Variants in BTBD7 observed in about 807,000 individuals in gnomAD.
BTBD7 encodes the protein BTB/POZ domain-containing protein 7.
Under a neutral mutation model 99.9 loss-of-function variants are expected in BTBD7, and 38 were observed. That is an observed-to-expected ratio of 0.38 (90% CI 0.29 to 0.50). The LOEUF (loss-of-function observed/expected upper bound fraction) is 0.50. BTBD7 is among the 20% of genes least tolerant of loss of function. The probability of loss-of-function intolerance (pLI) is 0.93; values close to 1 mark genes in which losing one functional copy is unlikely to be tolerated. For synonymous variants in BTBD7, 520 were observed against 511.4 expected (o/e 1.02, Z -0.23); for missense variants, 1,170 against 1,394.6 (o/e 0.84, Z 2.57).
At chr14:93,257,930 G>C (rs1017138468) in intron 5 of BTBD7, among the ~76,000 whole-genome samples, 1 of 148,250 alleles carries the variant, frequency 6.7e-6, no homozygotes, top group East Asian at 1.9e-4. Context: ...TAGACCCTTT[G>C]ATCTTTGACA....
intron 1 of BTBD7, among the ~76,000 whole-genome samples, chr14:93,308,235 T>C (rs1330775670): frequency 1.4e-5 from 2 of 143,320 alleles, no homozygotes; most frequent in Non-Finnish European, 3.0e-5. Flanking sequence ...TGCAGTGAGC[T>C]GAGATCGCAC....
chr14:93,321,735 A>T (rs539969068), intron 1 of BTBD7, among the ~76,000 whole-genome samples: 1 of 152,170 alleles, frequency 6.6e-6, no homozygotes, highest in Admixed American at 6.5e-5. Flanking sequence ...TGACTCTGCC[A>T]TTTCTAAACT....
chr14:93,257,042 TACA>T (rs1157947869), intron 6 of BTBD7, 150 bp downstream of exon 6: 1 of 725,856 alleles, frequency 1.4e-6, no homozygotes, highest in Non-Finnish European at 2.2e-6. Flanking sequence ...ACACAGGAGA[TACA>T]ACATCGTACA....
Position 93,294,617 on chromosome 14 carries a change from G to A in BTBD7, c.403C>T (p.Leu135Phe). 1 of 1,614,024 alleles carries A rather than the reference G, an allele frequency of 6.2e-7. No homozygotes were observed. Among genetic ancestry groups the A allele is most frequent in the South Asian group, 1.1e-5 (1 of 91,072 alleles). Reference sequence around the variant, plus strand: ...TCAGTACAATACTTGTACTCATAAAGATCAGCCATATCTTTCTGCAATGTC... The same window carrying A: ...TCAGTACAATACTTGTACTCATAAAAATCAGCCATATCTTTCTGCAATGTC... ...ARTLQKDMAD[L>F]YEYKYCTDVD... Residue 135 changes from leucine (L) to phenylalanine (F), a missense_variant, in exon 3 of 11, where the codon CTT (leucine) becomes TTT (phenylalanine). Transcript: ENST00000334746.
chr14:93,281,166 C>CT (rs566864647), intron 3 of BTBD7, among the ~76,000 whole-genome samples: 2,518 of 138,060 alleles, frequency 0.018, 61 homozygotes, highest in African/African-American at 0.052. Context: ...ATGCCTGGCT[C>CT]TTTTTTTTTT....
chr14:93,330,107 A>G (rs2053384629), intron 1 of BTBD7, among the ~76,000 whole-genome samples: 1 of 152,058 alleles, frequency 6.6e-6, no homozygotes, highest in South Asian at 2.1e-4. Flanking sequence ...CTCTAACTTA[A>G]CCTGTAGATC....
chr14:93,285,184 G>C (rs2052763301), intron 3 of BTBD7, among the ~76,000 whole-genome samples: 1 of 152,096 alleles, frequency 6.6e-6, no homozygotes, highest in Non-Finnish European at 1.5e-5. Context: ...TCAATATGTA[G>C]ACAGTGGAGG....
chr14:93,309,506 C>G (rs962734881), intron 1 of BTBD7, among the ~76,000 whole-genome samples: 1 of 151,200 alleles, frequency 6.6e-6, no homozygotes, highest in African/African-American at 2.4e-5. Flanking sequence ...AACCTCCACA[C>G]CCCTGCTAAA....
chr14:93,300,098 T>C lies in BTBD7; in HGVS notation c.-106-3941A>G, dbSNP rs537438126. On this transcript the variant is annotated intron_variant, in intron 1 of 10. Transcript: ENST00000334746. ...GATTCGGTTATCTCTGTGTCACTAA[T>C]TTACTATGTATGTAGGACACGTCAC... Among the ~76,000 whole-genome samples the C allele has an allele frequency of 1.7e-3, 262 of 152,296 alleles. 1 individual carries two copies. The highest frequency in any genetic ancestry group is 6.8e-3 in the Middle Eastern group (2 of 294).
At chr14:93,268,382 C>T (rs966210728) in intron 3 of BTBD7, among the ~76,000 whole-genome samples, 1 of 152,190 alleles carries the variant, frequency 6.6e-6, no homozygotes, top group African/African-American at 2.4e-5. Flanking sequence ...GACTCTTCCA[C>T]CAGACTAAGT....
At chr14:93,252,179 G>A (rs112573103) in intron 7 of BTBD7, among the ~76,000 whole-genome samples, 7,876 of 151,856 alleles carry the variant, frequency 0.052, 355 homozygotes, top group African/African-American at 0.12. Context: ...ATGTGGTGGC[G>A]GGTGCCTATC....
Position 93,251,532 on chromosome 14 carries a change from T to A in BTBD7, c.1873A>T (p.Met625Leu), listed in dbSNP as rs761842667. 6.2e-7 allele frequency: 1 copy of A among 1,613,976 alleles called. No individual in the cohort carries two copies. The highest frequency in any genetic ancestry group is 2.2e-5 in the East Asian group (1 of 44,878). ...CTGCTGATCTGCTGGTGGCTGATCA[T>A]GTGACAACACTGTGGCACGGCATTA... is the stretch of plus-strand genomic sequence containing the variant. ...VNNAVPQCCHMISHQQISSNQ... is the reference protein window; with the variant it reads ...VNNAVPQCCHLISHQQISSNQ... The change falls in exon 8 of 11, where the codon ATG becomes TTG. Residue 625 changes from methionine to leucine, a missense_variant. By Grantham distance (15) the Met-to-Leu change is conservative (BLOSUM62 2). Coordinates refer to ENST00000334746, the MANE Select transcript of BTBD7 (RefSeq NM_001002860.4).
At chr14:93,324,571 A>G (rs1463716700) in intron 1 of BTBD7, among the ~76,000 whole-genome samples, 5 of 152,182 alleles carry the variant, frequency 3.3e-5, no homozygotes, top group African/African-American at 9.7e-5. Flanking sequence ...AAGGATCCAG[A>G]TACCCTCTAC....
At chr14:93,285,719 A>G (rs930313040) in intron 3 of BTBD7, among the ~76,000 whole-genome samples, 3 of 152,236 alleles carry the variant, frequency 2.0e-5, no homozygotes, top group Non-Finnish European at 4.4e-5. Context: ...GGTCATTATG[A>G]AAAGTCAAAG....
At chr14:93,283,530 A>G (rs138548480) in intron 3 of BTBD7, among the ~76,000 whole-genome samples, 2 of 152,106 alleles carry the variant, frequency 1.3e-5, no homozygotes, top group Non-Finnish European at 2.9e-5. Context: ...ACAAGCTATA[A>G]CATTTATTTA....
chr14:93,271,574 C>T (rs532760131), intron 3 of BTBD7, among the ~76,000 whole-genome samples: 20 of 152,288 alleles, frequency 1.3e-4, no homozygotes, highest in East Asian at 9.6e-4. Context: ...CTAACCAGTA[C>T]ATGACTGATT....
rs2053463787 is a variant in BTBD7 at position 93,332,756 on chromosome 14, C to A, written c.-107+64G>T. ...AAGAACAGCCCCTTCCTCTCCCGGACGCCCCGCGCCACACCGGACACAGCC... is the reference window on the plus strand; with the variant it reads ...AAGAACAGCCCCTTCCTCTCCCGGAAGCCCCGCGCCACACCGGACACAGCC... On this transcript the variant is annotated intron_variant, in intron 1 of 10. Transcript: ENST00000334746. 16 of 1,439,296 alleles carry A rather than the reference C, an allele frequency of 1.1e-5. No homozygotes were observed. The South Asian group carries it at 2.2e-4, about 20-fold the overall frequency. The allele number at this position is 1,439,296 out of a possible 1,614,324, so 89.2% of individuals were successfully genotyped here. A position where few individuals can be genotyped will look rare whatever the true frequency, so the allele number is the denominator to read the frequency against.
Position 93,261,623 on chromosome 14 carries a change from T to C in BTBD7, c.1426A>G (p.Met476Val). Residue 476 changes from methionine to valine, a missense_variant, in exon 5 of 11, where the codon ATG (methionine) becomes GTG (valine). Physicochemically the swap from Met to Val is conservative, Grantham distance 21. Transcript: ENST00000334746. ...TTACCTCTATCTGCTATTCTTTTCA[T>C]CAACTGATGCTCTCCCCATTTAATC... The part of the protein sequence containing the change: ...YLIKWGEHQL[M>V]KRIADREPNL... 1.9e-6 allele frequency: 3 copies of C among 1,612,100 alleles called. No individual in the cohort carries two copies. In the Admixed American group the frequency reaches 5.0e-5, roughly 27 times the overall value.
chr14:93,266,762 TG>T (rs1367677558), intron 3 of BTBD7, among the ~76,000 whole-genome samples: 1 of 152,148 alleles, frequency 6.6e-6, no homozygotes, highest in African/African-American at 2.4e-5. Context: ...TTCTATAAGA[TG>T]GTAACAGAGC....
Sources: gnomAD v4.1 joint callset for allele counts (sites outside exome capture counted in the v4.1 genomes callset) on GRCh38, gnomAD v4.1.1 for gene constraint, MANE v1.5 for transcripts, NCBI Gene and HGNC (gene_info 2026-07-23, HGNC 2026-07-21) for gene names.